HIPK3: variants seen among roughly 807,000 people sequenced by gnomAD.
HIPK3 encodes the protein homeodomain interacting protein kinase 3, also known as homeodomain-interacting protein kinase 3.
In HIPK3, 47 loss-of-function variants were observed where a neutral mutation model predicts 124.2. The ratio of observed to expected loss-of-function variants is 0.38; its 90% CI spans 0.30 to 0.48. HIPK3 has a LOEUF of 0.48. HIPK3 is among the 20% of genes least tolerant of loss of function. The pLI is 0.98. For missense variants in HIPK3, 1,286 were observed against 1,454.3 expected, an observed-to-expected ratio of 0.88 and a Z score of 1.88; for synonymous variants, 482 against 515.2, an observed-to-expected ratio of 0.94 and a Z score of 0.87.
At chr11:33,338,930 T>C in intron 5 of HIPK3, 87 bp downstream of exon 5, 2 of 851,226 alleles carry the variant, frequency 2.3e-6, no homozygotes, top group Non-Finnish European at 3.8e-6. Flanking sequence ...TACTCAGTTT[T>C]TAAATGGCTA....
rs867278135 is a variant in HIPK3, at chr11:33,322,125, G to A, written c.1098-6385G>A. On this transcript the variant is annotated intron_variant, in intron 2 of 16. Coordinates refer to ENST00000303296, the MANE Select transcript of HIPK3 (RefSeq NM_005734.5). ...CACCATTCTCCTGCCTCAGCCTCCC[G>A]AGTAGCTGGGACTACAGGCGCTTGC... 3.9e-5 allele frequency among the ~76,000 whole-genome samples: 6 copies of A among 152,096 alleles called. No homozygotes were observed. The Middle Eastern group carries it at 0.014, about 345-fold the overall frequency.
chr11:33,306,771 A>G (rs1283595653), intron 2 of HIPK3, among the ~76,000 whole-genome samples: 1 of 152,212 alleles, frequency 6.6e-6, no homozygotes, highest in African/African-American at 2.4e-5. Flanking sequence ...AAGCTATTAA[A>G]GTGGCATGGT....
chr11:33,329,578 T>C (rs1213027655), intron 3 of HIPK3, among the ~76,000 whole-genome samples: 1 of 152,234 alleles, frequency 6.6e-6, no homozygotes, highest in African/African-American at 2.4e-5. Context: ...CATTTAATAC[T>C]GATTATTAGA....
At position 33,286,983 on chromosome 11, in the gene HIPK3, T is replaced by C. The variant is rs1297440629; in HGVS notation, c.569T>C (p.Leu190Ser). The C allele has an allele frequency of 6.2e-7, 1 of 1,613,822 alleles. No individual in the cohort carries two copies. Among genetic ancestry groups the C allele is most frequent in the Non-Finnish European group, 8.5e-7 (1 of 1,179,814 alleles). ...TATCAGTTAGTACAGCATGAAGTCT[T>C]ATGCTCCATGAAAAATACTTACGAA... ...GDYQLVQHEV[L>S]CSMKNTYEVL... Residue 190 changes from leucine to serine, a missense_variant, in exon 2 of 17, where the codon TTA becomes TCA. By Grantham distance (145) the Leu-to-Ser change is moderately radical. This residue lies in a region of HIPK3 where 225 missense variants were observed against 240.3 expected (regional missense o/e 0.94). Transcript: ENST00000303296.
At chr11:33,305,161 T>A (rs1445726231) in intron 2 of HIPK3, among the ~76,000 whole-genome samples, 1 of 152,182 alleles carries the variant, frequency 6.6e-6, no homozygotes, top group East Asian at 1.9e-4. Context: ...CCACCATGCC[T>A]GACCAACTTT....
intron 2 of HIPK3, among the ~76,000 whole-genome samples, chr11:33,299,472 CAAA>C (rs946621693): frequency 1.4e-5 from 2 of 142,522 alleles, no homozygotes; most frequent in Non-Finnish European, 3.1e-5. Context: ...GACTCTGTCT[CAAA>C]AAAAAAAGAA....
intron 1 of HIPK3, among the ~76,000 whole-genome samples, chr11:33,266,696 A>AGT (rs1327790086): frequency 6.6e-6 from 1 of 152,194 alleles, no homozygotes. Context: ...TTGGAGACAG[A>AGT]GTGAGACCTT....
At chr11:33,332,680 A>G (rs758617728) in intron 3 of HIPK3, among the ~76,000 whole-genome samples, 2 of 152,220 alleles carry the variant, frequency 1.3e-5, no homozygotes, top group Admixed American at 6.5e-5. Context: ...GAGAAAATAA[A>G]TCTTTCAAGA....
At chr11:33,311,424 T>C (rs266462) in intron 2 of HIPK3, among the ~76,000 whole-genome samples, 130,095 of 152,232 alleles carry the variant, frequency 0.85, 56,029 homozygotes, top group African/African-American at 0.96. Context: ...AAGTTGTCCT[T>C]TAACCTTGGC....
At chr11:33,323,136 A>G (rs1335019487) in intron 2 of HIPK3, among the ~76,000 whole-genome samples, 1 of 152,262 alleles carries the variant, frequency 6.6e-6, no homozygotes, top group Non-Finnish European at 1.5e-5. Context: ...CAGCAGTAAA[A>G]ATAAATGAAG....
At chr11:33,263,130 A>T (rs1041332586) in intron 1 of HIPK3, among the ~76,000 whole-genome samples, 3 of 152,168 alleles carry the variant, frequency 2.0e-5, no homozygotes, top group African/African-American at 4.8e-5. Context: ...TTGGCCTCCC[A>T]AAGTGCTGGG....
At chr11:33,283,291 T>C (rs1008721541) in intron 1 of HIPK3, among the ~76,000 whole-genome samples, 2 of 152,064 alleles carry the variant, frequency 1.3e-5, no homozygotes, top group Non-Finnish European at 2.9e-5. Context: ...TTTGTATTTT[T>C]AGTGGAGACG....
Position 33,347,874 on chromosome 11 carries a change from CATT to C in HIPK3, c.2170_2172del (p.Tyr724del). 3.7e-6 allele frequency: 6 copies of C among 1,614,162 alleles called. No individual in the cohort carries two copies. Among genetic ancestry groups the C allele is most frequent in the Non-Finnish European group, 5.1e-6 (6 of 1,180,002 alleles). ...TAGGAAGATGATTTCATGCAGCAATCATTATAACTCAGTGATGCCGCAGCCTCT... is the reference window on the plus strand; with the variant it reads ...TAGGAAGATGATTTCATGCAGCAATCATAACTCAGTGATGCCGCAGCCTCT... On this transcript the variant is annotated inframe_deletion, in exon 11 of 17. Transcript: ENST00000303296.
At chr11:33,298,100 A>G (rs1851892791) in intron 2 of HIPK3, among the ~76,000 whole-genome samples, 1 of 151,760 alleles carries the variant, frequency 6.6e-6, no homozygotes, top group South Asian at 2.1e-4. Flanking sequence ...AGAACAGGCT[A>G]GCTTTGTTGG....
chr11:33,286,874 T>G lies in HIPK3; in HGVS notation c.460T>G (p.Leu154Val). Residue 154 changes from leucine to valine, a missense_variant, in exon 2 of 17, where the codon TTG becomes GTG. Leu to Val is a conservative substitution (Grantham distance 32). Coordinates refer to ENST00000303296, the MANE Select transcript of HIPK3 (RefSeq NM_005734.5). The part of the protein sequence containing the change: ...VDELSILPAM[L>V]QTNMGNPVTV... Reference sequence around the variant, plus strand: ...TGAATTGTCCATACTTCCTGCAATGTTGCAAACCAACATGGGAAATCCAGT... The same window carrying G: ...TGAATTGTCCATACTTCCTGCAATGGTGCAAACCAACATGGGAAATCCAGT... 6.2e-7 allele frequency: 1 copy of G among 1,614,160 alleles called. No homozygotes were observed. Among genetic ancestry groups the G allele is most frequent in the Non-Finnish European group, 8.5e-7 (1 of 1,180,022 alleles).
At chr11:33,350,480 A>G (rs1853623732) in intron 14 of HIPK3, among the ~76,000 whole-genome samples, 2 of 151,816 alleles carry the variant, frequency 1.3e-5, no homozygotes, top group African/African-American at 4.8e-5. Context: ...CAGCCTGGAC[A>G]ACATAGTGAG....
At chr11:33,323,076 A>G (rs1852711744) in intron 2 of HIPK3, among the ~76,000 whole-genome samples, 1 of 152,210 alleles carries the variant, frequency 6.6e-6, no homozygotes, top group Non-Finnish European at 1.5e-5. Flanking sequence ...CCAAATGTCC[A>G]TTACCCGATG....
intron 3 of HIPK3, among the ~76,000 whole-genome samples, chr11:33,330,760 T>C (rs1053161946): frequency 1.3e-5 from 2 of 152,192 alleles, no homozygotes; most frequent in African/African-American, 2.4e-5. Flanking sequence ...GTATTTGTTA[T>C]AAAGGCTTTG....
upstream of HIPK3, chr11:33,257,308 G>C: frequency 1.0e-6 from 1 of 983,596 alleles, no homozygotes; most frequent in Non-Finnish European, 1.2e-6. Context: ...GCGCTGCCGG[G>C]CGGGCGGTGG....
Sources: gnomAD v4.1 joint callset for allele counts (sites outside exome capture counted in the v4.1 genomes callset) on GRCh38, gnomAD v4.1.1 for gene constraint, gnomAD v4.1.1 regional missense constraint, MANE v1.5 for transcripts, NCBI Gene and HGNC (gene_info 2026-07-23, HGNC 2026-07-21) for gene names.